Variants in MSMO1 observed in about 807,000 individuals in gnomAD.
MSMO1 encodes the protein methylsterol monooxygenase 1.
Under a neutral mutation model 30.4 loss-of-function variants are expected in MSMO1, and 18 were observed. That is an observed-to-expected ratio of 0.59 (90% CI 0.41 to 0.88). MSMO1 has a LOEUF of 0.88. Ranked by LOEUF, MSMO1 falls within the 40% of genes least tolerant of loss-of-function variation. MSMO1 has a pLI of 0.00. For synonymous variants in MSMO1, 84 were observed against 107.9 expected, an observed-to-expected ratio of 0.78 and a Z score of 1.37; for missense variants, 284 against 340.5, an observed-to-expected ratio of 0.83 and a Z score of 1.31.
intron 2 of MSMO1, among the ~76,000 whole-genome samples, chr4:165,335,382 T>G (rs977054613): frequency 2.6e-5 from 4 of 152,016 alleles, no homozygotes; most frequent in African/African-American, 9.7e-5. Flanking sequence ...AAATAAAAAA[T>G]AGGAGGGCCA....
Position 165,341,842 on chromosome 4 carries a change from A to G in MSMO1, c.778A>G (p.Asn260Asp). 6.2e-7 allele frequency: 1 copy of G among 1,613,438 alleles called. No homozygotes were observed. Among genetic ancestry groups the G allele is most frequent in the Non-Finnish European group, 8.5e-7 (1 of 1,179,446 alleles). ...TTTCCACCACATGAACTTCATTGGA[A>G]ACTATGCTTCAACATTTACATGGTG... Reference protein sequence around the residue: ...HDFHHMNFIGNYASTFTWWDR... With the variant: ...HDFHHMNFIGDYASTFTWWDR... The change falls in exon 6 of 6, where the codon AAC becomes GAC. Residue 260 changes from asparagine to aspartate, a missense_variant. By Grantham distance (23) the Asn-to-Asp change is conservative (BLOSUM62 1). Coordinates refer to ENST00000261507, the MANE Select transcript of MSMO1 (RefSeq NM_006745.5).
intron 2 of MSMO1, 72 bp from the exon 3 acceptor site, chr4:165,337,717 A>G: frequency 6.7e-7 from 1 of 1,481,998 alleles, no homozygotes. Context: ...CAACATAAAC[A>G]GAGAACAAAT....
At position 165,340,240 on chromosome 4, in the gene MSMO1, C is replaced by T; in HGVS notation, c.551C>T (p.Ala184Val). The change falls in exon 5 of 6, where the codon GCT becomes GTT. Residue 184 changes from alanine to valine, a missense_variant. Coordinates refer to ENST00000261507, the MANE Select transcript of MSMO1 (RefSeq NM_006745.5). ...TCTTAGGCTCCATTTGGAATGGAAG[C>T]TGAATATGCACATCCTTTGGAGACT... Reference protein sequence around the residue: ...HEFQAPFGMEAEYAHPLETLI... With the variant: ...HEFQAPFGMEVEYAHPLETLI... 1 of 1,613,824 alleles carries T rather than the reference C, an allele frequency of 6.2e-7. No homozygotes were observed. Among genetic ancestry groups the T allele is most frequent in the South Asian group, 1.1e-5 (1 of 91,080 alleles).
chr4:165,329,901 T>TG (rs1747344531), intron 1 of MSMO1, among the ~76,000 whole-genome samples: 1 of 152,158 alleles, frequency 6.6e-6, no homozygotes, highest in Admixed American at 6.5e-5. Flanking sequence ...CCCAAAGTGC[T>TG]GGGATTACCA....
chr4:165,329,315 A>C (rs543510340), intron 1 of MSMO1, among the ~76,000 whole-genome samples: 2 of 152,096 alleles, frequency 1.3e-5, no homozygotes, highest in African/African-American at 4.8e-5. Context: ...CTCAGTTTAG[A>C]TAGCACCTTT....
intron 2 of MSMO1, among the ~76,000 whole-genome samples, chr4:165,336,617 C>T (rs1487329785): frequency 6.6e-6 from 1 of 152,068 alleles, no homozygotes; most frequent in Non-Finnish European, 1.5e-5. Flanking sequence ...TTATTTTGTC[C>T]CCAATTACAG....
intron 1 of MSMO1, among the ~76,000 whole-genome samples, chr4:165,331,017 A>C (rs1412186508): frequency 1.3e-5 from 2 of 152,186 alleles, no homozygotes; most frequent in African/African-American, 4.8e-5. Context: ...ACAAAGGAAG[A>C]TGTAGGCTGG....
At chr4:165,333,687 C>T (rs752705155) in intron 2 of MSMO1, 62 bp downstream of exon 2, 112 of 1,454,518 alleles carry the variant, frequency 7.7e-5, no homozygotes, top group Non-Finnish European at 1.0e-4. Context: ...TTTAAAAGTA[C>T]ATAGGGCTTT....
At chr4:165,338,215 A>G (rs1240481664) in intron 3 of MSMO1, among the ~76,000 whole-genome samples, 4 of 151,780 alleles carry the variant, frequency 2.6e-5, no homozygotes, top group African/African-American at 9.7e-5. Context: ...ACAAAAATAT[A>G]TTACATTTTA....
intron 3 of MSMO1, 33 bp from the exon 4 acceptor site, chr4:165,338,619 T>C (rs913506272): frequency 6.3e-6 from 10 of 1,580,748 alleles, no homozygotes; most frequent in Non-Finnish European, 8.7e-6. Context: ...GTAAAAATTA[T>C]TTCTTACACA....
intron 1 of MSMO1, among the ~76,000 whole-genome samples, chr4:165,331,404 TG>T (rs1385142475): frequency 6.6e-6 from 1 of 151,598 alleles, no homozygotes; most frequent in African/African-American, 2.4e-5. Flanking sequence ...AAAGGATAAG[TG>T]ATGGACAAGT....
intron 1 of MSMO1, among the ~76,000 whole-genome samples, chr4:165,329,667 C>T (rs1008044922): frequency 2.6e-5 from 3 of 115,198 alleles, no homozygotes; most frequent in Non-Finnish European, 5.0e-5. Context: ...CGGAGTCTCA[C>T]TCTGTCGCCC....
At chr4:165,331,657 G>A (rs529257068) in intron 1 of MSMO1, among the ~76,000 whole-genome samples, 1 of 152,306 alleles carries the variant, frequency 6.6e-6, no homozygotes, top group South Asian at 2.1e-4. Context: ...TTTGAGAAGT[G>A]TTGGGGAAGG....
intron 2 of MSMO1, among the ~76,000 whole-genome samples, chr4:165,334,727 A>C (rs754839637): frequency 6.6e-6 from 1 of 152,228 alleles, no homozygotes; most frequent in Non-Finnish European, 1.5e-5. Context: ...TTGTAAGCTG[A>C]TGATAGTTTC....
intron 5 of MSMO1, 97 bp downstream of exon 5, chr4:165,340,472 A>C (rs1249758119): frequency 2.3e-5 from 24 of 1,037,420 alleles, no homozygotes; most frequent in Non-Finnish European, 3.5e-5. Context: ...TAATAGGAGA[A>C]GTTAATCTTC....
chr4:165,335,837 C>G (rs1163370636), intron 2 of MSMO1, among the ~76,000 whole-genome samples: 1 of 152,110 alleles, frequency 6.6e-6, no homozygotes, highest in African/African-American at 2.4e-5. Flanking sequence ...GTTTCATAAC[C>G]ATTAAAGTCC....
chr4:165,341,311 G>A (rs1747708924), intron 5 of MSMO1, among the ~76,000 whole-genome samples: 1 of 151,008 alleles, frequency 6.6e-6, no homozygotes, highest in Admixed American at 6.6e-5. Context: ...GCTATACAGG[G>A]ATTCATGGGC....
At chr4:165,338,052 T>G (rs1355388926) in intron 3 of MSMO1, 115 bp downstream of exon 3, 4 of 962,834 alleles carry the variant, frequency 4.2e-6, no homozygotes, top group Non-Finnish European at 3.2e-6. Flanking sequence ...ACTTTGGAAG[T>G]AAATAAATAG....
chr4:165,339,447 G>A (rs903534087), intron 4 of MSMO1, among the ~76,000 whole-genome samples: 1 of 152,066 alleles, frequency 6.6e-6, no homozygotes, highest in Admixed American at 6.6e-5. Context: ...GGTTATGTGA[G>A]TATGTTTTGC....
Sources: allele counts gnomAD v4.1 joint callset (sites outside exome capture counted in the v4.1 genomes callset), GRCh38; gene constraint gnomAD v4.1.1; transcripts MANE v1.5; gene names NCBI Gene and HGNC (gene_info 2026-07-23, HGNC 2026-07-21).